B4GALT6: variants seen among roughly 807,000 people sequenced by gnomAD.
The protein encoded by B4GALT6 is UDP-Gal:beta-GlcNAc beta-1,4-galactosyltransferase 6.
Under a neutral mutation model 46.3 loss-of-function variants are expected in B4GALT6, and 14 were observed. The ratio of observed to expected loss-of-function variants is 0.30; its 90% CI spans 0.20 to 0.47. The LOEUF (loss-of-function observed/expected upper bound fraction) is 0.47. B4GALT6 is among the 20% of genes least tolerant of loss of function. The pLI, the probability that B4GALT6 is intolerant of heterozygous loss-of-function variation, is 0.99. For missense variants in B4GALT6, 386 were observed against 480.1 expected (o/e 0.80, Z 1.83); for synonymous variants, 168 against 162.0 (o/e 1.04, Z -0.28).
intron 5 of B4GALT6, among the ~76,000 whole-genome samples, chr18:31,634,720 C>G (rs1003457485): frequency 6.6e-6 from 1 of 152,196 alleles, no homozygotes; most frequent in South Asian, 2.1e-4. Context: ...TTAGCACTCC[C>G]TGGGTACCTG....
chr18:31,673,676 C>A (rs2074383296), intron 1 of B4GALT6, among the ~76,000 whole-genome samples: 1 of 152,308 alleles, frequency 6.6e-6, no homozygotes, highest in East Asian at 1.9e-4. Flanking sequence ...GTTAAGTACA[C>A]ATACACAATT....
intron 1 of B4GALT6, among the ~76,000 whole-genome samples, chr18:31,681,477 G>C (rs1387493627): frequency 1.3e-5 from 2 of 152,174 alleles, no homozygotes; most frequent in Non-Finnish European, 2.9e-5. Flanking sequence ...GACTATCCCT[G>C]TGTTTCCTGT....
chr18:31,721,864 C>T, the B4GALT6 span, among the ~76,000 whole-genome samples: 37 of 151,890 alleles, frequency 2.4e-4, no homozygotes, highest in South Asian at 1.7e-3. Context: ...CTTTCTTTCT[C>T]TCTCTCTCTC....
At chr18:31,671,975 A>C in intron 1 of B4GALT6, among the ~76,000 whole-genome samples, 1 of 152,250 alleles carries the variant, frequency 6.6e-6, no homozygotes, top group East Asian at 1.9e-4. Context: ...CAGGCATTCT[A>C]TCCTGAGTTT....
At chr18:31,667,023 A>C (rs1006962792) in intron 1 of B4GALT6, among the ~76,000 whole-genome samples, 1 of 152,248 alleles carries the variant, frequency 6.6e-6, no homozygotes, top group Non-Finnish European at 1.5e-5. Context: ...AATTATTCAC[A>C]ATAAGTGCTT....
At chr18:31,627,155 AATC>A (rs763263372) in intron 6 of B4GALT6, 34 bp from the exon 7 acceptor site, 13 of 1,550,304 alleles carry the variant, frequency 8.4e-6, no homozygotes, top group Admixed American at 2.1e-5. Context: ...CTAAAAATAA[AATC>A]ATAATAATTT....
chr18:31,651,502 T>C (rs1486243788), intron 3 of B4GALT6, among the ~76,000 whole-genome samples: 1 of 152,020 alleles, frequency 6.6e-6, no homozygotes, highest in African/African-American at 2.4e-5. Context: ...TACTTACTCC[T>C]CCCTTTCAAG....
Position 31,668,053 on chromosome 18 carries a change from C to T in B4GALT6, c.116-1681G>A, listed in dbSNP as rs193019425. ...CAGAGGTTGCAGTGAGCCGAGACTGCGCCACTGCACTCCAGCCTGGGCGAG... is the reference window on the plus strand; with the variant it reads ...CAGAGGTTGCAGTGAGCCGAGACTGTGCCACTGCACTCCAGCCTGGGCGAG... On this transcript the variant is annotated intron_variant, in intron 1 of 8. Coordinates refer to ENST00000306851, the MANE Select transcript of B4GALT6 (RefSeq NM_004775.5). Among the ~76,000 whole-genome samples, 71 of 150,576 alleles carry T rather than the reference C, an allele frequency of 4.7e-4. No individual in the cohort carries two copies. In the East Asian group the frequency reaches 0.011, roughly 23 times the overall value.
chr18:31,656,523 A>AAT (rs967888328), intron 3 of B4GALT6, among the ~76,000 whole-genome samples: 3 of 151,926 alleles, frequency 2.0e-5, no homozygotes, highest in Admixed American at 1.3e-4. Flanking sequence ...CATAATTAAA[A>AAT]ATATATATAT....
upstream of B4GALT6, chr18:31,684,760 C>A (rs1479685798): frequency 9.3e-7 from 1 of 1,076,370 alleles, no homozygotes; most frequent in Non-Finnish European, 1.1e-6. Context: ...CGCCAAGCAG[C>A]GGCGGGAGGA....
intron 1 of B4GALT6, among the ~76,000 whole-genome samples, chr18:31,669,826 T>C (rs950313247): frequency 1.3e-5 from 2 of 152,186 alleles, no homozygotes; most frequent in African/African-American, 4.8e-5. Context: ...ATATGAAATT[T>C]GTTGTCAGTA....
At chr18:31,629,922 C>CAA (rs1220404786) in intron 6 of B4GALT6, among the ~76,000 whole-genome samples, 4 of 148,544 alleles carry the variant, frequency 2.7e-5, no homozygotes, top group Admixed American at 1.3e-4. Flanking sequence ...ACCCCATACT[C>CAA]AAAGTTCAGA....
intron 1 of B4GALT6, among the ~76,000 whole-genome samples, chr18:31,677,607 C>T (rs1280631083): frequency 1.3e-5 from 2 of 152,206 alleles, no homozygotes; most frequent in African/African-American, 2.4e-5. Context: ...CGATCTTCAA[C>T]CTGAATCACT....
At chr18:31,645,910 G>C (rs8090252) in intron 3 of B4GALT6, among the ~76,000 whole-genome samples, 1,610 of 152,200 alleles carry the variant, frequency 0.011, 29 homozygotes, top group African/African-American at 0.036. Flanking sequence ...AGATTGACTG[G>C]GAACTGATTC....
At chr18:31,629,018 C>T (rs947366483) in intron 6 of B4GALT6, among the ~76,000 whole-genome samples, 3 of 152,190 alleles carry the variant, frequency 2.0e-5, no homozygotes, top group Non-Finnish European at 4.4e-5. Flanking sequence ...CACGTGAGGA[C>T]GATGAGGATG....
At chr18:31,664,102 G>C (rs72924803) in intron 2 of B4GALT6, among the ~76,000 whole-genome samples, 2,185 of 152,274 alleles carry the variant, frequency 0.014, 24 homozygotes, top group Non-Finnish European at 0.023. Flanking sequence ...CCAGAAAAGA[G>C]GTACCTTATT....
the B4GALT6 span, among the ~76,000 whole-genome samples, chr18:31,714,937 T>G: frequency 2.0e-5 from 3 of 152,202 alleles, no homozygotes; most frequent in Non-Finnish European, 2.9e-5. Context: ...CTTGCCAGCT[T>G]TAACAAGTGA....
chr18:31,629,587 T>C lies in B4GALT6; in HGVS notation c.776+1372A>G, dbSNP rs551659696. ...GATTGTTGCCGGGCACGGTGGCTCA[T>C]GCCTGTAATCCCAGCACTTTGGGAG... On this transcript the variant is annotated intron_variant, in intron 6 of 8. Transcript: ENST00000306851. Among the ~76,000 whole-genome samples the C allele has an allele frequency of 4.0e-5, 6 of 149,524 alleles. No individual in the cohort carries two copies. In the East Asian group the frequency reaches 8.1e-4, roughly 20 times the overall value.
chr18:31,703,365 AT>A, the B4GALT6 span, among the ~76,000 whole-genome samples: 1 of 152,074 alleles, frequency 6.6e-6, no homozygotes, highest in South Asian at 2.1e-4. Context: ...TAAGTACAAG[AT>A]TTTTCAGTTT....
Sources: gnomAD v4.1 joint callset for allele counts (sites outside exome capture counted in the v4.1 genomes callset) on GRCh38, gnomAD v4.1.1 for gene constraint, MANE v1.5 for transcripts, NCBI Gene and HGNC (gene_info 2026-07-23, HGNC 2026-07-21) for gene names.